APBA1: variants seen among roughly 807,000 people sequenced by gnomAD.
APBA1 encodes amyloid beta precursor protein binding family A member 1, also known as amyloid-beta A4 precursor protein-binding family A member 1.
A neutral mutation model predicts 86.6 loss-of-function variants in APBA1; 55 were observed. The ratio of observed to expected loss-of-function variants is 0.64; its 90% confidence interval spans 0.51 to 0.80. The LOEUF (loss-of-function observed/expected upper bound fraction) is 0.80. APBA1 is among the 30% of genes least tolerant of loss of function. APBA1 has a pLI of 0.00. For synonymous variants in APBA1, 511 were observed against 493.9 expected, an observed-to-expected ratio of 1.03 and a Z score of -0.46; for missense variants, 1,090 against 1,183.0, an observed-to-expected ratio of 0.92 and a Z score of 1.15.
At chr9:69,469,459 G>A (rs1564043835) in intron 4 of APBA1, among the ~76,000 whole-genome samples, 1 of 152,116 alleles carries the variant, frequency 6.6e-6, no homozygotes, top group Non-Finnish European at 1.5e-5. Flanking sequence ...AAGTGTTTTA[G>A]GAAAGGCTTT....
intron 1 of APBA1, among the ~76,000 whole-genome samples, chr9:69,657,658 A>AT (rs1054582006): frequency 1.3e-5 from 2 of 152,228 alleles, no homozygotes; most frequent in Non-Finnish European, 2.9e-5. Context: ...TATTAAGCCT[A>AT]TTTTTTATGA....
chr9:69,572,529 A>G (rs1837132165), intron 1 of APBA1, among the ~76,000 whole-genome samples: 1 of 152,128 alleles, frequency 6.6e-6, no homozygotes, highest in Non-Finnish European at 1.5e-5. Flanking sequence ...TTCCCTTTCT[A>G]GAAACCCCCT....
At chr9:69,628,141 G>A (rs1037037231) in intron 1 of APBA1, among the ~76,000 whole-genome samples, 10 of 152,132 alleles carry the variant, frequency 6.6e-5, no homozygotes, top group Admixed American at 2.6e-4. Flanking sequence ...GCAAAGAGCT[G>A]TAGGTAGACT....
intron 1 of APBA1, among the ~76,000 whole-genome samples, chr9:69,566,655 TA>T (rs1837031269): frequency 6.6e-6 from 1 of 152,172 alleles, no homozygotes; most frequent in African/African-American, 2.4e-5. Context: ...TCTGCTCTCC[TA>T]AAACTCTCCT....
chr9:69,434,161 C>A (rs986528298), intron 11 of APBA1, among the ~76,000 whole-genome samples: 1 of 152,180 alleles, frequency 6.6e-6, no homozygotes, highest in Non-Finnish European at 1.5e-5. Context: ...ACTGTACAGC[C>A]CCAGGCTTGG....
At chr9:69,643,332 A>G (rs1218101280) in intron 1 of APBA1, among the ~76,000 whole-genome samples, 1 of 152,194 alleles carries the variant, frequency 6.6e-6, no homozygotes, top group Admixed American at 6.5e-5. Flanking sequence ...CTCCTGGCAT[A>G]CAATGGGGTC....
chr9:69,552,004 A>T (rs1286316318), intron 1 of APBA1, among the ~76,000 whole-genome samples: 1 of 152,196 alleles, frequency 6.6e-6, no homozygotes, highest in Non-Finnish European at 1.5e-5. Context: ...CCAACATGAA[A>T]CTGTTCAGAG....
At chr9:69,431,465 G>T in intron 12 of APBA1, 67 bp from the exon 13 acceptor site, 1 of 1,409,462 alleles carries the variant, frequency 7.1e-7, no homozygotes, top group South Asian at 1.2e-5. Flanking sequence ...GCACTGCCCA[G>T]GGCTGGCCAG....
intron 5 of APBA1, chr9:69,463,595 A>C (rs1835227593): frequency 6.6e-6 from 1 of 152,224 alleles, no homozygotes. Flanking sequence ...ATGGAAACCT[A>C]AGCTTCAAGG....
At chr9:69,620,976 C>T (rs562018598) in intron 1 of APBA1, among the ~76,000 whole-genome samples, 32 of 152,250 alleles carry the variant, frequency 2.1e-4, no homozygotes, top group Non-Finnish European at 3.1e-4. Flanking sequence ...TCCAAAGGCC[C>T]GGGAGCTGAG....
Position 69,427,565 on chromosome 9 carries a change from A to ACTC in APBA1, c.*3759_*3761dup, listed in dbSNP as rs1834507267. On this transcript the variant is annotated 3_prime_UTR_variant, in exon 13 of 13. Transcript: ENST00000265381. ...GAAGTTCTTGTTTATTGTTGCAGCA[A>ACTC]CTCTTATACAGACATTAGCGTTCAG... 1 of 152,024 alleles carries ACTC rather than the reference A, an allele frequency of 6.6e-6. No individual in the cohort carries two copies. Among genetic ancestry groups the ACTC allele is most frequent in the Non-Finnish European group, 1.5e-5 (1 of 68,000 alleles). The allele number at this position is 152,024 out of a possible 1,614,324, so 9.4% of individuals were successfully genotyped here.
chr9:69,454,739 T>G (rs1282152487), intron 8 of APBA1, among the ~76,000 whole-genome samples: 1 of 152,100 alleles, frequency 6.6e-6, no homozygotes, highest in East Asian at 1.9e-4. Context: ...TCCAGCCAGA[T>G]GGAGGTAGCA....
At chr9:69,456,668 A>C (rs1414496976) in intron 7 of APBA1, among the ~76,000 whole-genome samples, 2 of 152,016 alleles carry the variant, frequency 1.3e-5, no homozygotes, top group Non-Finnish European at 2.9e-5. Context: ...GAAATTCCAA[A>C]CAGTTGAATC....
chr9:69,642,828 A>C (rs1309060950), intron 1 of APBA1, among the ~76,000 whole-genome samples: 1 of 151,934 alleles, frequency 6.6e-6, no homozygotes, highest in Non-Finnish European at 1.5e-5. Flanking sequence ...CCTGAACAAG[A>C]AGGAATTCTC....
chr9:69,444,062 C>T (rs1218308928), intron 10 of APBA1, among the ~76,000 whole-genome samples: 1 of 152,108 alleles, frequency 6.6e-6, no homozygotes, highest in African/African-American at 2.4e-5. Flanking sequence ...TGATGGAACT[C>T]AATTTCCCCG....
chr9:69,505,289 G>C lies in APBA1; in HGVS notation c.1200+10722C>G, dbSNP rs191029284. Reference sequence around the variant, plus strand: ...AAGGCTTTGGGGTTTATTTCCACTGGGGAAGAAAGCATTGTCTTAGCTGCT... The same window carrying C: ...AAGGCTTTGGGGTTTATTTCCACTGCGGAAGAAAGCATTGTCTTAGCTGCT... On this transcript the variant is annotated intron_variant, in intron 2 of 12. Transcript: ENST00000265381. Among the ~76,000 whole-genome samples, 425 of 152,174 alleles carry C rather than the reference G, an allele frequency of 2.8e-3. 4 individuals carry two copies. The highest frequency in any genetic ancestry group is 9.7e-3 in the African/African-American group (402 of 41,514).
chr9:69,650,000 A>C (rs987295193), intron 1 of APBA1, among the ~76,000 whole-genome samples: 4 of 152,246 alleles, frequency 2.6e-5, no homozygotes, highest in South Asian at 4.1e-4. Flanking sequence ...GAAAATGTCT[A>C]AGAAATGAGA....
intron 1 of APBA1, among the ~76,000 whole-genome samples, chr9:69,547,364 A>AC (rs1163686508): frequency 2.0e-5 from 3 of 152,164 alleles, no homozygotes; most frequent in South Asian, 4.2e-4. Context: ...GGCAACAGGG[A>AC]CAGGGCATAG....
intron 1 of APBA1, among the ~76,000 whole-genome samples, chr9:69,523,501 A>ATGTG (rs1440192385): frequency 6.3e-4 from 20 of 31,642 alleles, no homozygotes; most frequent in Middle Eastern, 0.023. Context: ...ATATATGTAT[A>ATGTG]TATATATATA....
Sources: gnomAD v4.1 joint callset for allele counts (sites outside exome capture counted in the v4.1 genomes callset) on GRCh38, gnomAD v4.1.1 for gene constraint, MANE v1.5 for transcripts, NCBI Gene and HGNC (gene_info 2026-07-23, HGNC 2026-07-21) for gene names.